TTN: variants seen among roughly 807,000 people sequenced by gnomAD.
The protein encoded by TTN is titin.
In TTN, 1,525 loss-of-function variants were observed where a neutral mutation model predicts 3,223.0. That is an observed-to-expected ratio of 0.47 (90% CI 0.45 to 0.49). The LOEUF (loss-of-function observed/expected upper bound fraction) is 0.49. Ranked by LOEUF, TTN falls within the 20% of genes least tolerant of loss-of-function variation. The pLI is 0.00. For synonymous variants in TTN, 14,094 were observed against 15,161.0 expected, an observed-to-expected ratio of 0.93 and a Z score of 5.17; for missense variants, 40,786 against 43,424.0, an observed-to-expected ratio of 0.94 and a Z score of 5.40.
Position 178,723,876 on chromosome 2 carries a change from C to T in TTN, c.21383G>A (p.Arg7128His), listed in dbSNP as rs768531006. 1.1e-5 allele frequency: 18 copies of T among 1,611,296 alleles called. No individual in the cohort carries two copies. The highest frequency in any genetic ancestry group is 3.3e-5 in the Admixed American group (2 of 59,900). The part of the protein sequence containing the change: ...AANVAGSDEC[R>H]AVLTVQEPPS... ...CTGACCTTGTACAGTTAGCACTGCA[C>T]GACATTCATCAGACCCAGCGACATT... The change falls in exon 73 of 363, where the codon CGT (arginine) becomes CAT (histidine). Residue 7128 changes from arginine to histidine, a missense_variant. By Grantham distance (29) the Arg-to-His change is conservative. Transcript: ENST00000589042.
intron 221 of TTN, 99 bp from the exon 222 acceptor site, chr2:178,640,209 A>G (rs2061049029): frequency 1.9e-6 from 2 of 1,051,426 alleles, no homozygotes; most frequent in Admixed American, 4.8e-5. Flanking sequence ...GGAAGATATT[A>G]GAATTTATAT....
chr2:178,529,959 C>T lies in TTN; in HGVS notation c.106531+1G>A, dbSNP rs760915007. 3.2e-6 allele frequency: 5 copies of T among 1,586,908 alleles called. No individual in the cohort carries two copies. The South Asian group carries it at 4.8e-5, about 15-fold the overall frequency. ...GTGGGTAAAAACAAAAGCCAACCTA[C>T]CTTTTATTGTTAATTTGCAGCTAGA... is the stretch of plus-strand genomic sequence containing the variant. On this transcript the variant is annotated splice_donor_variant, in intron 359 of 362. Transcript: ENST00000589042. LOFTEE classifies it high-confidence loss of function.
chr2:178,564,731 G>A lies in TTN; in HGVS notation c.81401C>T (p.Thr27134Ile). The change falls in exon 326 of 363, where the codon ACA becomes ATA. Residue 27134 changes from threonine (T) to isoleucine (I), a missense_variant. Thr to Ile is a moderately conservative substitution (Grantham distance 89). Transcript: ENST00000589042. ...KTPIQDTKFK[T>I]TGLDEGLEYE... ...CTCAAGGCCCTCATCAAGCCCAGTT[G>A]TTTTGAATTTGGTGTCCTGAATGGG... The A allele has an allele frequency of 6.2e-7, 1 of 1,613,168 alleles. No individual in the cohort carries two copies. The highest frequency in any genetic ancestry group is 1.3e-5 in the African/African-American group (1 of 75,026).
rs148617456 is a variant in TTN at position 178,550,073 on chromosome 2, C to T, written c.91765G>A (p.Ala30589Thr). ...LGSTSLFVRD[A>T]TRDHRGVYTV... ...TATACACCACGATGGTCCCGAGTAG[C>T]ATCTCTAACAAATAGGCTGGTGGAT... Residue 30589 changes from alanine to threonine, a missense_variant, in exon 337 of 363, where the codon GCT (alanine) becomes ACT (threonine). By Grantham distance (58) the Ala-to-Thr change is moderately conservative. Transcript: ENST00000589042. The T allele has an allele frequency of 2.2e-3, 3,505 of 1,613,788 alleles. 52 individuals are homozygous for T. Among genetic ancestry groups the T allele is most frequent in the South Asian group, 0.021 (1,930 of 91,074 alleles).
chr2:178,548,731 G>A lies in TTN; in HGVS notation c.92895C>T (p.Asn30965=), dbSNP rs1379558944. 5.0e-6 allele frequency: 8 copies of A among 1,613,800 alleles called. No homozygotes were observed. In the South Asian group the frequency reaches 5.5e-5, roughly 11 times the overall value. ...PTAVWSKPDS[N]LSLRADIHTT... ...TATGGATATCAGCCCGAAGGCTAAGGTTAGAGTCTGGTTTGCTCCACACAG... is the reference window on the plus strand; with the variant it reads ...TATGGATATCAGCCCGAAGGCTAAGATTAGAGTCTGGTTTGCTCCACACAG... Residue 30965 remains asparagine (N), a synonymous_variant, in exon 339 of 363, where the codon AAC becomes AAT. Transcript: ENST00000589042. The surrounding 1 kb of genome is among the most constrained non-coding windows in gnomAD (Gnocchi z 4.3).
rs1277409025 is a variant in TTN, at chr2:178,602,009, G to A, written c.55262C>T (p.Ala18421Val). The A allele has an allele frequency of 1.2e-6, 2 of 1,612,624 alleles. No homozygotes were observed. The highest frequency in any genetic ancestry group is 1.7e-6 in the Non-Finnish European group (2 of 1,179,176). ...SWEFDGKAKKAMKDGVHDIPE... is the reference protein window; with the variant it reads ...SWEFDGKAKKVMKDGVHDIPE... ...GAATGGTTATTTTCCTACCTTCATT[G>A]CTTTCTTTGCCTTTCCATCAAATTC... The change falls in exon 284 of 363, where the codon GCA becomes GTA. Residue 18421 changes from alanine (A) to valine (V), a missense_variant. Transcript: ENST00000589042.
intron 266 of TTN, 42 bp downstream of exon 266, chr2:178,612,235 C>G: frequency 1.2e-6 from 2 of 1,606,196 alleles, no homozygotes; most frequent in Non-Finnish European, 1.7e-6. Context: ...AAATTAAGTG[C>G]GAGAGCACTT....
chr2:178,759,039 A>T lies in TTN; in HGVS notation c.10248T>A (p.Phe3416Leu). 1 of 1,614,052 alleles carries T rather than the reference A, an allele frequency of 6.2e-7. No homozygotes were observed. Among genetic ancestry groups the T allele is most frequent in the Non-Finnish European group, 8.5e-7 (1 of 1,179,956 alleles). ...AYPEDEGTYT[F>L]VASNAVGQVS... ...CTTGGCCTACAGCATTACTAGCAAC[A>T]AACGTGTAAGTTCCTTCATCTTCTG... Residue 3416 changes from phenylalanine (F) to leucine (L), a missense_variant, in exon 44 of 363, where the codon TTT becomes TTA. Phe to Leu is a conservative substitution (Grantham distance 22). Transcript: ENST00000589042.
rs1439267595 is a variant in TTN, at chr2:178,526,272, G to T, written c.*740C>A. ...CTGCACTCTGGGACCTCCAAGAGTTGGCACTGCTCTGGCATAGGAATACTT... is the reference window on the plus strand; with the variant it reads ...CTGCACTCTGGGACCTCCAAGAGTTTGCACTGCTCTGGCATAGGAATACTT... On this transcript the variant is annotated 3_prime_UTR_variant, in exon 363 of 363. Coordinates refer to ENST00000589042, the MANE Select transcript of TTN (RefSeq NM_001267550.2). The T allele has an allele frequency of 6.6e-6, 1 of 152,586 alleles. No homozygotes were observed. The allele number at this position is 152,586 out of a possible 1,614,324, so 9.5% of individuals were successfully genotyped here.
chr2:178,785,689 G>A lies in TTN; in HGVS notation c.2424C>T (p.Arg808=). Residue 808 remains arginine, a synonymous_variant, in exon 15 of 363, where the codon CGC becomes CGT. Transcript: ENST00000589042. ...TAAAGTGAGGGCTAGCTGTGCGGGG[G>A]CGTTTATCCACATGGACTAATCTTT... ...TTERLVHVDK[R]PRTASPHFTV... The A allele has an allele frequency of 1.2e-6, 2 of 1,614,128 alleles. No homozygotes were observed. The highest frequency in any genetic ancestry group is 1.7e-6 in the Non-Finnish European group (2 of 1,180,008).
rs748063760 is a variant in TTN at position 178,679,661 on chromosome 2, G to C, written c.33602C>G (p.Pro11201Arg). The C allele has an allele frequency of 4.3e-6, 7 of 1,610,292 alleles. No homozygotes were observed. The highest frequency in any genetic ancestry group is 5.9e-6 in the Non-Finnish European group (7 of 1,178,726). ...PVKVPEVPRK[P>R]VPEEKKPVPV... is the part of the protein sequence containing the mutation. ...AACAGGTTTCTTCTCTTCTGGAACA[G>C]GTTTCCTGGGTACCTCAGGCACTTT... Residue 11201 changes from proline to arginine, a missense_variant, in exon 141 of 363, where the codon CCT (proline) becomes CGT (arginine). By Grantham distance (103) the Pro-to-Arg change is moderately radical. Coordinates refer to ENST00000589042, the MANE Select transcript of TTN (RefSeq NM_001267550.2).
intron 43 of TTN, among the ~76,000 whole-genome samples, chr2:178,762,359 C>A (rs1279929975): frequency 6.6e-6 from 1 of 152,156 alleles, no homozygotes; most frequent in African/African-American, 2.4e-5. Context: ...TCTCAGTTTA[C>A]AAAGCCTATT....
At position 178,632,225 on chromosome 2, in the gene TTN, C is replaced by T. The variant is rs794729431; in HGVS notation, c.43669G>A (p.Asp14557Asn). 12 of 1,607,550 alleles carry T rather than the reference C, an allele frequency of 7.5e-6. No individual in the cohort carries two copies. The highest frequency in any genetic ancestry group is 1.3e-5 in the African/African-American group (1 of 74,792). ...EGKTHSITFK[D>N]LSIDDTSQIR... is the part of the protein sequence containing the mutation. ...TGGGAGGTGTCATCAATAGACAGGT[C>T]TTTGAATGTGATCGAATGAGTTTTC... Residue 14557 changes from aspartate to asparagine, a missense_variant, in exon 236 of 363, where the codon GAC becomes AAC. Asp to Asn is a conservative substitution (Grantham distance 23). Transcript: ENST00000589042.
At chr2:178,746,822 T>C (rs1305433976) in intron 47 of TTN, 2 of 1,613,446 alleles carry the variant, frequency 1.2e-6, no homozygotes, top group South Asian at 1.1e-5. Flanking sequence ...TTCATATACC[T>C]TCCTTTTGGT....
intron 111 of TTN, among the ~76,000 whole-genome samples, chr2:178,699,497 C>T (rs113059495): frequency 0.11 from 14,861 of 138,970 alleles, 1,509 homozygotes; most frequent in African/African-American, 0.25. Flanking sequence ...CTGCAAGCTC[C>T]GCCTCCCAGG....
rs1559291915 is a variant in TTN, at chr2:178,560,825, G to A, written c.85307C>T (p.Ala28436Val). ...ATTAACGGCCACAGACCGAGTGCCG[G>A]CAACATTCTTCAGTGTTAGTACATA... ...GQYVLTLKNVAGTRSVAVNCK... is the reference protein window; with the variant it reads ...GQYVLTLKNVVGTRSVAVNCK... The change falls in exon 326 of 363, where the codon GCC becomes GTC. Residue 28436 changes from alanine to valine, a missense_variant. Physicochemically the swap from Ala to Val is moderately conservative, Grantham distance 64 (BLOSUM62 0). Transcript: ENST00000589042. The A allele has an allele frequency of 6.2e-7, 1 of 1,613,518 alleles. No individual in the cohort carries two copies. The highest frequency in any genetic ancestry group is 8.5e-7 in the Non-Finnish European group (1 of 1,179,758).
Position 178,533,058 on chromosome 2 carries a change from T to C in TTN, c.103557A>G (p.Val34519=). Residue 34519 remains valine (V), a synonymous_variant, in exon 358 of 363, where the codon GTA becomes GTG. Transcript: ENST00000589042. ...CTATCTCAAGTCTGAATTCCCCTTT[T>C]ACAGTCTTGGTGCTTACAGCCGGTT... ...LYKPAVSTKT[V]KGEFRLEIEE... The C allele has an allele frequency of 6.2e-7, 1 of 1,613,958 alleles. No homozygotes were observed. The highest frequency in any genetic ancestry group is 1.7e-5 in the Admixed American group (1 of 60,018).
rs370109572 is a variant in TTN, at chr2:178,730,105, G to A, written c.18295C>T (p.Leu6099Phe). The part of the protein sequence containing the change: ...DVGTATSKAT[L>F]FVKEPPQFIK... ...GTAGAGACCAGACCTTTTACAAAGA[G>A]AGTGGCTTTGCTGGTTGCTGTGCCA... Residue 6099 changes from leucine (L) to phenylalanine (F), a missense_variant, in exon 62 of 363, where the codon CTC becomes TTC. By Grantham distance (22) the Leu-to-Phe change is conservative (BLOSUM62 0). Transcript: ENST00000589042. 8.1e-5 allele frequency: 128 copies of A among 1,588,684 alleles called. No homozygotes were observed. The highest frequency in any genetic ancestry group is 1.1e-4 in the Non-Finnish European group (123 of 1,164,472).
rs1450732956 is a variant in TTN, at chr2:178,539,234, T to G, written c.98701A>C (p.Ser32901Arg). Residue 32901 changes from serine to arginine, a missense_variant, in exon 353 of 363, where the codon AGC (serine) becomes CGC (arginine). Physicochemically the swap from Ser to Arg is moderately radical, Grantham distance 110. Coordinates refer to ENST00000589042, the MANE Select transcript of TTN (RefSeq NM_001267550.2). Reference protein sequence around the residue: ...KTPLNPPEPPSNPPEVLDVTK... With the variant: ...KTPLNPPEPPRNPPEVLDVTK... ...ACATCGAGTACTTCTGGAGGATTGC[T>G]TGGAGGTTCTGGAGGATCTGTAAAT... 1 of 1,613,470 alleles carries G rather than the reference T, an allele frequency of 6.2e-7. No individual in the cohort carries two copies. The highest frequency in any genetic ancestry group is 8.5e-7 in the Non-Finnish European group (1 of 1,179,494).
Sources: allele counts gnomAD v4.1 joint callset (sites outside exome capture counted in the v4.1 genomes callset), GRCh38; gene constraint gnomAD v4.1.1; non-coding constraint Gnocchi (gnomAD v3.1); transcripts MANE v1.5; gene names NCBI Gene and HGNC (gene_info 2026-07-23, HGNC 2026-07-21).